The following UBTD1 variants were observed in gnomAD, a reference collection of about 807,000 sequenced individuals.
UBTD1 encodes ubiquitin domain-containing protein 1.
UBTD1 carries 19 observed loss-of-function variants against 21.7 expected under a neutral mutation model. The ratio of observed to expected loss-of-function variants is 0.87; its 90% CI spans 0.61 to 1.28. The LOEUF (loss-of-function observed/expected upper bound fraction) is 1.28. Among genes scored for constraint, UBTD1 ranks in the 50% most tolerant of loss-of-function variants. UBTD1 has a pLI of 0.00. For synonymous variants in UBTD1, 116 were observed against 135.1 expected (o/e 0.86, Z 0.98); for missense variants, 282 against 315.1 (o/e 0.89, Z 0.80).
At chr10:97,561,455 C>T (rs909898186) in intron 1 of UBTD1, among the ~76,000 whole-genome samples, 1 of 152,104 alleles carries the variant, frequency 6.6e-6, no homozygotes, top group Non-Finnish European at 1.5e-5. Flanking sequence ...ATTTCTGTCC[C>T]TTTTAAGGGC....
chr10:97,522,656 G>A (rs1258095511), intron 1 of UBTD1, among the ~76,000 whole-genome samples: 3 of 152,200 alleles, frequency 2.0e-5, no homozygotes, highest in Admixed American at 6.5e-5. Context: ...CCTCCAGCAT[G>A]TTTTATGAGC....
intron 1 of UBTD1, among the ~76,000 whole-genome samples, chr10:97,544,071 C>T (rs1181494273): frequency 1.3e-5 from 2 of 152,078 alleles, no homozygotes; most frequent in African/African-American, 2.4e-5. Context: ...CACCTGAGGT[C>T]AGGAGTTCAA....
intron 1 of UBTD1, among the ~76,000 whole-genome samples, chr10:97,531,089 T>A (rs745365292): frequency 2.0e-5 from 3 of 151,610 alleles, no homozygotes; most frequent in South Asian, 2.1e-4. Context: ...GGGTTTCACC[T>A]TGTTAGCCAG....
intron 1 of UBTD1, among the ~76,000 whole-genome samples, chr10:97,549,337 A>C (rs1171280321): frequency 6.6e-6 from 1 of 152,136 alleles, no homozygotes; most frequent in Non-Finnish European, 1.5e-5. Context: ...CCCCCTTTGC[A>C]GGGGTTTCTT....
At chr10:97,511,129 G>A (rs191631450) in intron 1 of UBTD1, among the ~76,000 whole-genome samples, 75 of 152,166 alleles carry the variant, frequency 4.9e-4, no homozygotes, top group Admixed American at 4.3e-3. Flanking sequence ...AGCCTCTTTC[G>A]CACTTGATGA....
At chr10:97,545,338 CAA>C (rs71007349) in intron 1 of UBTD1, among the ~76,000 whole-genome samples, 7 of 126,810 alleles carry the variant, frequency 5.5e-5, no homozygotes, top group Non-Finnish European at 8.1e-5. Context: ...GACTCCGTCT[CAA>C]AAAAAAAAAA....
chr10:97,554,839 C>T (rs2040656968), intron 1 of UBTD1, among the ~76,000 whole-genome samples: 1 of 152,186 alleles, frequency 6.6e-6, no homozygotes, highest in Non-Finnish European at 1.5e-5. Context: ...TAGGTGTCAG[C>T]CACCATGCTG....
Position 97,508,313 on chromosome 10 carries a change from G to A in UBTD1, c.70+9040G>A, listed in dbSNP as rs1344045315. 2.6e-5 allele frequency among the ~76,000 whole-genome samples: 4 copies of A among 152,120 alleles called. No individual in the cohort carries two copies. The East Asian group carries it at 7.7e-4, about 29-fold the overall frequency. On this transcript the variant is annotated intron_variant, in intron 1 of 2. Coordinates refer to ENST00000370664, the MANE Select transcript of UBTD1 (RefSeq NM_024954.5). The stretch of plus-strand genomic sequence containing the variant: ...AATGGGAAGAAGAGAACGCTTTTTT[G>A]TTTTGTTTTGTTTTTTAATGAGTTT...
intron 1 of UBTD1, among the ~76,000 whole-genome samples, chr10:97,562,296 G>A (rs559678586): frequency 1.3e-5 from 2 of 152,106 alleles, no homozygotes; most frequent in Non-Finnish European, 2.9e-5. Context: ...CCAGCTACTC[G>A]GTGTCACGCG....
intron 1 of UBTD1, among the ~76,000 whole-genome samples, chr10:97,544,007 C>G (rs1441626725): frequency 6.6e-6 from 1 of 152,056 alleles, no homozygotes. Context: ...AAAGGCCAGG[C>G]ACAATGGCTC....
At chr10:97,548,846 CAGAT>C (rs2040623342) in intron 1 of UBTD1, among the ~76,000 whole-genome samples, 1 of 152,176 alleles carries the variant, frequency 6.6e-6, no homozygotes, top group Non-Finnish European at 1.5e-5. Context: ...TAATTGATAT[CAGAT>C]AGGCCAGTTT....
intron 1 of UBTD1, among the ~76,000 whole-genome samples, chr10:97,563,566 T>G (rs1449293566): frequency 6.6e-6 from 1 of 152,080 alleles, no homozygotes; most frequent in Admixed American, 6.6e-5. Context: ...AAAAAGGGAC[T>G]TCATCAGAGT....
At chr10:97,524,182 C>T (rs1279564802) in intron 1 of UBTD1, among the ~76,000 whole-genome samples, 2 of 152,164 alleles carry the variant, frequency 1.3e-5, no homozygotes, top group African/African-American at 4.8e-5. Flanking sequence ...GCAGCCTCTA[C>T]CTCCCAGGCT....
At chr10:97,501,280 C>T (rs896641011) in intron 1 of UBTD1, among the ~76,000 whole-genome samples, 1 of 152,218 alleles carries the variant, frequency 6.6e-6, no homozygotes, top group African/African-American at 2.4e-5. Flanking sequence ...TTTTATAGTT[C>T]TGTGTTCAGA....
intron 1 of UBTD1, among the ~76,000 whole-genome samples, chr10:97,506,192 C>T (rs976944980): frequency 1.3e-5 from 2 of 152,214 alleles, no homozygotes; most frequent in Admixed American, 6.5e-5. Flanking sequence ...GAGCCCACTC[C>T]GGGAGTGCCC....
At chr10:97,554,246 C>CT (rs1179625817) in intron 1 of UBTD1, among the ~76,000 whole-genome samples, 1 of 96,384 alleles carries the variant, frequency 1.0e-5, no homozygotes, top group South Asian at 4.5e-4. Context: ...TGTTTGTTTT[C>CT]GTTTTTTTTT....
intron 1 of UBTD1, among the ~76,000 whole-genome samples, chr10:97,564,238 C>T (rs188140856): frequency 1.3e-5 from 2 of 152,226 alleles, no homozygotes; most frequent in African/African-American, 4.8e-5. Flanking sequence ...GGAAGATAGT[C>T]GCCTAGAGGG....
intron 1 of UBTD1, among the ~76,000 whole-genome samples, chr10:97,524,398 G>C (rs1328135843): frequency 6.6e-6 from 1 of 152,070 alleles, no homozygotes; most frequent in Non-Finnish European, 1.5e-5. Flanking sequence ...ACCAAGCCCG[G>C]TCCCCCATAG....
intron 1 of UBTD1, among the ~76,000 whole-genome samples, chr10:97,544,482 C>G (rs933847862): frequency 3.9e-5 from 6 of 152,124 alleles, no homozygotes; most frequent in African/African-American, 1.4e-4. Flanking sequence ...CTGCAGTTGG[C>G]CCTTGAACAA....
Sources: allele counts gnomAD v4.1 joint callset (sites outside exome capture counted in the v4.1 genomes callset), GRCh38; gene constraint gnomAD v4.1.1; transcripts MANE v1.5; gene names NCBI Gene and HGNC (gene_info 2026-07-23, HGNC 2026-07-21).